The following LTBP3 variants were observed in gnomAD, a reference collection of about 807,000 sequenced individuals.
The protein encoded by LTBP3 is latent-transforming growth factor beta-binding protein 3.
A neutral mutation model predicts 159.7 loss-of-function variants in LTBP3; 97 were observed. The observed-to-expected ratio is 0.61, with a 90% CI of 0.52 to 0.72. The LOEUF (loss-of-function observed/expected upper bound fraction) is 0.72. LTBP3 is among the 30% of genes least tolerant of loss of function. The pLI, the probability that LTBP3 is intolerant of heterozygous loss-of-function variation, is 0.00. For missense variants in LTBP3, 1,584 were observed against 1,864.3 expected (o/e 0.85, Z 2.77); for synonymous variants, 824 against 777.1 (o/e 1.06, Z -1.00).
rs1489609076 is a variant in LTBP3, at chr11:65,553,682, C to T, written c.864+19G>A. 1 of 1,566,390 alleles carries T rather than the reference C, an allele frequency of 6.4e-7. No homozygotes were observed. Among genetic ancestry groups the T allele is most frequent in the Non-Finnish European group, 8.6e-7 (1 of 1,163,154 alleles). ...CCCTGAGAGAAGGAAAGGCAGATCC[C>T]GACTGTGGATTCACTCACCGGCTGC... On this transcript the variant is annotated intron_variant, in intron 3 of 27. Transcript: ENST00000301873. This position sits in a 1 kb window ranked among gnomAD's most constrained non-coding sequence, Gnocchi z 6.5.
At position 65,553,012 on chromosome 11, in the gene LTBP3, G is replaced by T; in HGVS notation, c.1064-30C>A. ...GGTAAGTGGAAGTTTGGCCCCTCTG[G>T]TCTGGGGCCATGGGGTGACAGCAGG... On this transcript the variant is annotated intron_variant, in intron 5 of 27. Coordinates refer to ENST00000301873, the MANE Select transcript of LTBP3 (RefSeq NM_001130144.3). The surrounding 1 kb of genome is among the most constrained non-coding windows in gnomAD (Gnocchi z 6.5). 1.2e-6 allele frequency: 2 copies of T among 1,613,972 alleles called. No individual in the cohort carries two copies. Among genetic ancestry groups the T allele is most frequent in the Non-Finnish European group, 1.7e-6 (2 of 1,179,884 alleles).
rs768782912 is a variant in LTBP3 at position 65,541,275 on chromosome 11, T to C, written c.2744A>G (p.His915Arg). The C allele has an allele frequency of 1.2e-6, 2 of 1,612,138 alleles. No individual in the cohort carries two copies. The highest frequency in any genetic ancestry group is 1.1e-5 in the South Asian group (1 of 91,036). ...GAAGTTCAGGTAGCACTCCTTCTTG[T>C]GGTGGGGCTGCTCCACCTCTGAGGG... Reference protein sequence around the residue: ...HGCEEVEQPHHKKECYLNFDD... With the variant: ...HGCEEVEQPHRKKECYLNFDD... Residue 915 changes from histidine to arginine, a missense_variant, in exon 20 of 28, where the codon CAC becomes CGC. His to Arg is a conservative substitution (Grantham distance 29). This residue lies in a region of LTBP3 where 565 missense variants were observed against 677.7 expected (regional missense o/e 0.83). Transcript: ENST00000301873.
chr11:65,546,573 G>T lies in LTBP3; in HGVS notation c.2231-9C>A. 6.2e-7 allele frequency: 1 copy of T among 1,601,598 alleles called. No individual in the cohort carries two copies. ...GGCGCACTCGTTCACGTCTGCGGCG[G>T]AAAGACCTAGCCTCGGACTCTGCCC... On this transcript the variant is annotated splice_polypyrimidine_tract_variant and intron_variant, in intron 15 of 27. Transcript: ENST00000301873. This position sits in a 1 kb window ranked among gnomAD's most constrained non-coding sequence, Gnocchi z 4.0.
At chr11:65,542,810 C>T (rs946760022) in intron 18 of LTBP3, 4 of 415,504 alleles carry the variant, frequency 9.6e-6, no homozygotes, top group Non-Finnish European at 1.8e-5. Flanking sequence ...ATAGTAAGCA[C>T]CACGATAGCA....
Position 65,557,687 on chromosome 11 carries a change from C to T in LTBP3, c.273G>A (p.Thr91=), listed in dbSNP as rs1308168899. Residue 91 remains threonine, a synonymous_variant, in exon 1 of 28, where the codon ACG becomes ACA. Transcript: ENST00000301873. The part of the protein sequence containing the change: ...RDSCQQGSNM[T]LIGENGHSTD... Reference sequence around the variant, plus strand: ...TGCTGTGGCCGTTCTCTCCGATGAGCGTCATGTTGGAGCCCTGCTGACAAC... The same window carrying T: ...TGCTGTGGCCGTTCTCTCCGATGAGTGTCATGTTGGAGCCCTGCTGACAAC... 1.2e-6 allele frequency: 2 copies of T among 1,610,858 alleles called. No individual in the cohort carries two copies. The highest frequency in any genetic ancestry group is 1.7e-5 in the Admixed American group (1 of 60,020).
rs770210592 is a variant in LTBP3, at chr11:65,541,185, G to GAGC, written c.2831_2833dup (p.Cys944dup). 1.2e-6 allele frequency: 2 copies of GAGC among 1,613,594 alleles called. No homozygotes were observed. Among genetic ancestry groups the GAGC allele is most frequent in the Non-Finnish European group, 1.7e-6 (2 of 1,180,018 alleles). ...GTGGTCGCCCCAGCCGGCCCCCAGA[G>GAGC]AGCAGCAGCACTCCTGCTGGGTCAC... On this transcript the variant is annotated inframe_insertion, in exon 20 of 28. Coordinates refer to ENST00000301873, the MANE Select transcript of LTBP3 (RefSeq NM_001130144.3).
rs1210085262 is a variant in LTBP3, at chr11:65,553,694, C to T, written c.864+7G>A. On this transcript the variant is annotated splice_region_variant and intron_variant, in intron 3 of 27. Transcript: ENST00000301873. The surrounding 1 kb of genome is among the most constrained non-coding windows in gnomAD (Gnocchi z 6.5). The stretch of plus-strand genomic sequence containing the variant: ...GAAAGGCAGATCCCGACTGTGGATT[C>T]ACTCACCGGCTGCTTGGGCAGAGTG... 6.4e-7 allele frequency: 1 copy of T among 1,572,852 alleles called. No homozygotes were observed. Among genetic ancestry groups the T allele is most frequent in the Non-Finnish European group, 8.6e-7 (1 of 1,166,834 alleles).
At position 65,554,428 on chromosome 11, in the gene LTBP3, C is replaced by T. The variant is rs995238821; in HGVS notation, c.332-48G>A. 6 of 1,481,238 alleles carry T rather than the reference C, an allele frequency of 4.1e-6. No homozygotes were observed. In the African/African-American group the frequency reaches 6.9e-5, roughly 17 times the overall value. 91.8% of individuals were successfully genotyped at this position (1,481,238 alleles called of 1,614,324 possible). On this transcript the variant is annotated intron_variant, in intron 1 of 27. Transcript: ENST00000301873. This position sits in a 1 kb window ranked among gnomAD's most constrained non-coding sequence, Gnocchi z 5.3. The stretch of plus-strand genomic sequence containing the variant: ...GCCCTCACCCACATCCTGTCTCTTT[C>T]CCCTCCTCCCTACTTCCTTGCCACC...
Position 65,547,061 on chromosome 11 carries a change from A to T in LTBP3, c.2108-141T>A, listed in dbSNP as rs1789934641. The stretch of plus-strand genomic sequence containing the variant: ...ACCTCTGAGAGGCCCAGAGCCGAGC[A>T]TACAGGCCGGGTGCGGTGGCACACG... On this transcript the variant is annotated intron_variant, in intron 14 of 27. Transcript: ENST00000301873. The surrounding 1 kb of genome is among the most constrained non-coding windows in gnomAD (Gnocchi z 4.6). 1 of 1,265,148 alleles carries T rather than the reference A, an allele frequency of 7.9e-7. No homozygotes were observed. The highest frequency in any genetic ancestry group is 1.1e-6 in the Non-Finnish European group (1 of 920,424). The allele number at this position is 1,265,148 out of a possible 1,614,324, so 78.4% of individuals were successfully genotyped here.
rs370339636 is a variant in LTBP3, at chr11:65,552,993, T to C, written c.1064-11A>G. 7 of 1,613,972 alleles carry C rather than the reference T, an allele frequency of 4.3e-6. No homozygotes were observed. Among genetic ancestry groups the C allele is most frequent in the Middle Eastern group, 3.3e-4 (2 of 6,084 alleles). ...CGCACTCGTTGATGTCTGTGGTAAG[T>C]GGAAGTTTGGCCCCTCTGGTCTGGG... On this transcript the variant is annotated splice_polypyrimidine_tract_variant and intron_variant, in intron 5 of 27. Transcript: ENST00000301873. The surrounding 1 kb of genome is among the most constrained non-coding windows in gnomAD (Gnocchi z 6.0).
chr11:65,554,237 T>G lies in LTBP3; in HGVS notation c.475A>C (p.Ser159Arg). ...GGTGGSGPGL[S>R]RTGALSTGAL... ...CCTGTGGACAGGGCCCCTGTCCTGC[T>G]CAGGCCGGGGCCTGAGCCGCCGGTA... The change falls in exon 2 of 28, where the codon AGC (serine) becomes CGC (arginine). Residue 159 changes from serine (S) to arginine (R), a missense_variant. Around this residue, in one of 6 missense-constraint regions of LTBP3, gnomAD observed 194 missense variants for 198.7 expected, o/e 0.98. Coordinates refer to ENST00000301873, the MANE Select transcript of LTBP3 (RefSeq NM_001130144.3). This position sits in a 1 kb window ranked among gnomAD's most constrained non-coding sequence, Gnocchi z 5.3. 6.2e-7 allele frequency: 1 copy of G among 1,608,234 alleles called. No homozygotes were observed. Among genetic ancestry groups the G allele is most frequent in the Non-Finnish European group, 8.5e-7 (1 of 1,178,644 alleles).
rs2135122611 is a variant in LTBP3 at position 65,540,610 on chromosome 11, G to A, written c.2982C>T (p.Ile994=). The A allele has an allele frequency of 1.9e-6, 3 of 1,603,864 alleles. No individual in the cohort carries two copies. In the East Asian group the frequency reaches 6.8e-5, roughly 36 times the overall value. Residue 994 remains isoleucine (I), a synonymous_variant, in exon 22 of 28, where the codon ATC becomes ATT. Transcript: ENST00000301873. The part of the protein sequence containing the change: ...VNYGIPAHRD[I]DECMLFGSEI... ...CCGACCCGAACAACATGCACTCGTC[G>A]ATGTCTGCGGGGTGACAAACACTGG...
Position 65,552,950 on chromosome 11 carries a change from G to T in LTBP3, c.1096C>A (p.Arg366Ser). 2 of 1,614,172 alleles carry T rather than the reference G, an allele frequency of 1.2e-6. No homozygotes were observed. Among genetic ancestry groups the T allele is most frequent in the South Asian group, 2.2e-5 (2 of 91,072 alleles). Residue 366 changes from arginine to serine, a missense_variant, in exon 6 of 28, where the codon CGC becomes AGC. Arg to Ser is a moderately radical substitution (Grantham distance 110, BLOSUM62 -1). This residue lies in a region of LTBP3 where 156 missense variants were observed against 259.7 expected (regional missense o/e 0.60). Coordinates refer to ENST00000301873, the MANE Select transcript of LTBP3 (RefSeq NM_001130144.3). This position sits in a 1 kb window ranked among gnomAD's most constrained non-coding sequence, Gnocchi z 6.0. ...GGGTTGTTGAGGCAGTCACCATGGCGACACACGCCCGGCATTGCGCACTCG... is the reference window on the plus strand; with the variant it reads ...GGGTTGTTGAGGCAGTCACCATGGCTACACACGCCCGGCATTGCGCACTCG... Reference protein sequence around the residue: ...INECAMPGVCRHGDCLNNPGS... With the variant: ...INECAMPGVCSHGDCLNNPGS...
At position 65,553,321 on chromosome 11, in the gene LTBP3, G is replaced by T; in HGVS notation, c.971-65C>A. ...GGAACTGGGGAGGGGCACAGCAGATGTAGAGAGGAATCTGGTGACCTGGGG... is the reference window on the plus strand; with the variant it reads ...GGAACTGGGGAGGGGCACAGCAGATTTAGAGAGGAATCTGGTGACCTGGGG... On this transcript the variant is annotated intron_variant, in intron 4 of 27. Transcript: ENST00000301873. The surrounding 1 kb of genome is among the most constrained non-coding windows in gnomAD (Gnocchi z 6.5). 7.7e-7 allele frequency: 1 copy of T among 1,290,350 alleles called. No individual in the cohort carries two copies. 79.9% of individuals were successfully genotyped at this position (1,290,350 alleles called of 1,614,324 possible). A position where few individuals can be genotyped will look rare whatever the true frequency, so the allele number is the denominator to read the frequency against.
In LTBP3 at chr11:65,546,780, T is replaced by C. The variant is rs768782556; in HGVS notation, c.2230+18A>G. On this transcript the variant is annotated intron_variant, in intron 15 of 27. Coordinates refer to ENST00000301873, the MANE Select transcript of LTBP3 (RefSeq NM_001130144.3). This position sits in a 1 kb window ranked among gnomAD's most constrained non-coding sequence, Gnocchi z 4.0. ...CACCTGACGGCCCCACCCACTCGGC[T>C]CCGGGCCCCGCCCTCACCGCGACAG... The C allele has an allele frequency of 9.5e-6, 15 of 1,577,360 alleles. No individual in the cohort carries two copies. Among genetic ancestry groups the C allele is most frequent in the East Asian group, 2.3e-5 (1 of 43,954 alleles).
Position 65,546,732 on chromosome 11 carries a change from C to CCCCCGGGCCCA in LTBP3, c.2230+65_2230+66insTGGGCCCGGGG. Reference sequence around the variant, plus strand: ...CACCACCGCTACCCCGCCCCGCCCCCAGCGGAGCCAGACTGGGGGAGGCAC... The same window carrying CCCCCGGGCCCA: ...CACCACCGCTACCCCGCCCCGCCCCCCCCCGGGCCCAAGCGGAGCCAGACTGGGGGAGGCAC... On this transcript the variant is annotated intron_variant, in intron 15 of 27. Coordinates refer to ENST00000301873, the MANE Select transcript of LTBP3 (RefSeq NM_001130144.3). This position sits in a 1 kb window ranked among gnomAD's most constrained non-coding sequence, Gnocchi z 4.0. 1 of 1,542,324 alleles carries CCCCCGGGCCCA rather than the reference C, an allele frequency of 6.5e-7. No homozygotes were observed. The highest frequency in any genetic ancestry group is 8.7e-7 in the Non-Finnish European group (1 of 1,143,048).
chr11:65,556,675 C>T (rs111409381), intron 1 of LTBP3, among the ~76,000 whole-genome samples: 49 of 152,358 alleles, frequency 3.2e-4, no homozygotes, highest in African/African-American at 1.1e-3. Context: ...TGCGCACAGA[C>T]ACACGCACGC....
Position 65,548,050 on chromosome 11 carries a change from G to C in LTBP3, c.1721-5C>G, listed in dbSNP as rs777185028. 2.5e-6 allele frequency: 4 copies of C among 1,613,720 alleles called. No individual in the cohort carries two copies. Among genetic ancestry groups the C allele is most frequent in the Non-Finnish European group, 3.4e-6 (4 of 1,179,972 alleles). On this transcript the variant is annotated splice_polypyrimidine_tract_variant and splice_region_variant and intron_variant, in intron 11 of 27. Transcript: ENST00000301873. ...TCAGTCGGCACTCATCAGTCTCTGC[G>C]GGCATGGCCAGGTCAAGCGGCAGAG... is the stretch of plus-strand genomic sequence containing the variant.
At position 65,554,248 on chromosome 11, in the gene LTBP3, C is replaced by A. The variant is rs1224484185; in HGVS notation, c.464G>T (p.Gly155Val). The change falls in exon 2 of 28, where the codon GGC becomes GTC. Residue 155 changes from glycine (G) to valine (V), a missense_variant. Around this residue, in one of 6 missense-constraint regions of LTBP3, gnomAD observed 194 missense variants for 198.7 expected, o/e 0.98. Transcript: ENST00000301873. The surrounding 1 kb of genome is among the most constrained non-coding windows in gnomAD (Gnocchi z 5.3). ...GGAGGGTGGS[G>V]PGLSRTGALS... ...GGCCCCTGTCCTGCTCAGGCCGGGG[C>A]CTGAGCCGCCGGTACCCCCACCGGC... is the stretch of plus-strand genomic sequence containing the variant. The A allele has an allele frequency of 1.9e-6, 3 of 1,607,950 alleles. No homozygotes were observed. The highest frequency in any genetic ancestry group is 1.7e-6 in the Non-Finnish European group (2 of 1,178,486).
Sources: gnomAD v4.1 joint callset for allele counts (sites outside exome capture counted in the v4.1 genomes callset) on GRCh38, gnomAD v4.1.1 for gene constraint, gnomAD v4.1.1 regional missense constraint, Gnocchi (gnomAD v3.1) non-coding constraint, MANE v1.5 for transcripts, NCBI Gene and HGNC (gene_info 2026-07-23, HGNC 2026-07-21) for gene names.